Variants in THSD4 observed in about 807,000 individuals in gnomAD.
THSD4 encodes thrombospondin type-1 domain-containing protein 4.
In THSD4, 69 loss-of-function variants were observed where a neutral mutation model predicts 119.0. That is an observed-to-expected ratio of 0.58 (90% CI 0.48 to 0.71). The LOEUF (loss-of-function observed/expected upper bound fraction) is 0.71, where lower values mean the gene tolerates loss of function less well. THSD4 is among the 30% of genes least tolerant of loss of function. THSD4 has a pLI of 0.00. For missense variants in THSD4, 1,393 were observed against 1,391.1 expected (o/e 1.00, Z -0.02); for synonymous variants, 524 against 540.4 (o/e 0.97, Z 0.42).
At chr15:71,197,581 C>G (rs1334227663) in intron 3 of THSD4, among the ~76,000 whole-genome samples, 1 of 152,144 alleles carries the variant, frequency 6.6e-6, no homozygotes, top group Admixed American at 6.5e-5. Flanking sequence ...GGGAAAGCAC[C>G]CAGTGTGCTT....
At chr15:71,168,909 A>G (rs987815906) in intron 3 of THSD4, among the ~76,000 whole-genome samples, 1 of 152,234 alleles carries the variant, frequency 6.6e-6, no homozygotes, top group Admixed American at 6.5e-5. Flanking sequence ...TGATGTAGGC[A>G]AAGGTTTCTT....
intron 17 of THSD4, among the ~76,000 whole-genome samples, chr15:71,774,688 G>A (rs2053882781): frequency 6.6e-6 from 1 of 151,646 alleles, no homozygotes; most frequent in Non-Finnish European, 1.5e-5. Context: ...GAGGCAGGAG[G>A]ATCACTTGAG....
chr15:71,350,955 C>T (rs1031777094), intron 6 of THSD4, among the ~76,000 whole-genome samples: 2 of 152,166 alleles, frequency 1.3e-5, no homozygotes, highest in African/African-American at 4.8e-5. Flanking sequence ...CCACTCAGGT[C>T]CCTGTGTTCA....
chr15:71,513,672 A>T (rs552654440), intron 7 of THSD4, among the ~76,000 whole-genome samples: 29 of 152,326 alleles, frequency 1.9e-4, no homozygotes, highest in African/African-American at 5.5e-4. Flanking sequence ...CCCAGCAATG[A>T]AATTGCTGGG....
intron 6 of THSD4, among the ~76,000 whole-genome samples, chr15:71,376,139 G>C (rs1246262997): frequency 6.6e-6 from 1 of 152,172 alleles, no homozygotes; most frequent in Non-Finnish European, 1.5e-5. Context: ...GAATTGATTA[G>C]TAATGTCTGT....
chr15:71,773,085 C>T (rs569121908), intron 17 of THSD4, among the ~76,000 whole-genome samples: 101 of 151,210 alleles, frequency 6.7e-4, no homozygotes, highest in Non-Finnish European at 1.2e-3. Flanking sequence ...CCCATGGTCC[C>T]GGCTAATTAG....
chr15:71,691,734 T>C (rs1331015568), intron 8 of THSD4, among the ~76,000 whole-genome samples: 1 of 152,202 alleles, frequency 6.6e-6, no homozygotes, highest in Non-Finnish European at 1.5e-5. Flanking sequence ...TCTCTTTTTT[T>C]AGGGTGTGAG....
At chr15:71,767,517 A>T (rs1359696977) in intron 16 of THSD4, 1 of 152,220 alleles carries the variant, frequency 6.6e-6, no homozygotes, top group Non-Finnish European at 1.5e-5. Flanking sequence ...TAAATGAGTA[A>T]TTAGATGATA....
At chr15:71,693,456 G>A (rs1202436796) in intron 8 of THSD4, among the ~76,000 whole-genome samples, 1 of 152,178 alleles carries the variant, frequency 6.6e-6, no homozygotes, top group Non-Finnish European at 1.5e-5. Flanking sequence ...AGACCAGCTT[G>A]GTCCACATGA....
intron 17 of THSD4, among the ~76,000 whole-genome samples, chr15:71,775,249 A>C (rs991155726): frequency 6.6e-6 from 1 of 152,240 alleles, no homozygotes; most frequent in Non-Finnish European, 1.5e-5. Flanking sequence ...CCCAAAAAAG[A>C]AGATGGTAGA....
intron 8 of THSD4, among the ~76,000 whole-genome samples, chr15:71,675,806 C>G (rs1474761996): frequency 6.6e-6 from 1 of 152,188 alleles, no homozygotes; most frequent in Non-Finnish European, 1.5e-5. Flanking sequence ...TCACTTATGA[C>G]CTTCCCTGCA....
At chr15:71,736,288 GCTCT>G (rs1370656899) in intron 10 of THSD4, among the ~76,000 whole-genome samples, 2 of 113,134 alleles carry the variant, frequency 1.8e-5, no homozygotes, top group Non-Finnish European at 3.7e-5. Flanking sequence ...TGTCTCTCTC[GCTCT>G]CTGTCTCTCC....
intron 5 of THSD4, among the ~76,000 whole-genome samples, chr15:71,250,472 T>G (rs2044248152): frequency 6.6e-6 from 1 of 152,144 alleles, no homozygotes; most frequent in Admixed American, 6.5e-5. Context: ...AGGCATGCAC[T>G]ACCATGCTCA....
chr15:71,594,619 C>T lies in THSD4; in HGVS notation c.1153-65911C>T, dbSNP rs1036950487. On this transcript the variant is annotated intron_variant, in intron 7 of 17. Transcript: ENST00000261862. Reference sequence around the variant, plus strand: ...TAGGTGGAGACCTTAGGCCTCTTCCCTGGGGTCTCAGCTGCTTCCCAGGCT... The same window carrying T: ...TAGGTGGAGACCTTAGGCCTCTTCCTTGGGGTCTCAGCTGCTTCCCAGGCT... Among the ~76,000 whole-genome samples, 11 of 152,300 alleles carry T rather than the reference C, an allele frequency of 7.2e-5. No homozygotes were observed. In the South Asian group the frequency reaches 1.7e-3, roughly 23 times the overall value.
chr15:71,628,153 A>G (rs2050544103), intron 7 of THSD4, among the ~76,000 whole-genome samples: 1 of 152,182 alleles, frequency 6.6e-6, no homozygotes, highest in Admixed American at 6.5e-5. Flanking sequence ...TAGCTTTTCA[A>G]AGCCTTCAAA....
chr15:71,165,095 T>G (rs1347273704), intron 3 of THSD4: 3 of 1,611,294 alleles, frequency 1.9e-6, no homozygotes, highest in South Asian at 2.2e-5. Flanking sequence ...TGGGCGATAC[T>G]CAGAGCAGAA....
chr15:71,648,835 G>A (rs917349699), intron 7 of THSD4, among the ~76,000 whole-genome samples: 1 of 152,144 alleles, frequency 6.6e-6, no homozygotes, highest in East Asian at 1.9e-4. Flanking sequence ...CATTTTACCA[G>A]CCCCTACTTC....
At chr15:71,311,687 CAT>C (rs1443826270) in intron 6 of THSD4, among the ~76,000 whole-genome samples, 1 of 152,154 alleles carries the variant, frequency 6.6e-6, no homozygotes, top group East Asian at 1.9e-4. Flanking sequence ...CCTTGTGTAT[CAT>C]ATAATAAAAT....
intron 8 of THSD4, among the ~76,000 whole-genome samples, chr15:71,720,584 A>G (rs1361349858): frequency 6.6e-6 from 1 of 152,224 alleles, no homozygotes; most frequent in East Asian, 1.9e-4. Context: ...GAGGTTAGTG[A>G]AAAGAAGGAT....
Sources: allele counts gnomAD v4.1 joint callset (sites outside exome capture counted in the v4.1 genomes callset), GRCh38; gene constraint gnomAD v4.1.1; transcripts MANE v1.5; gene names NCBI Gene and HGNC (gene_info 2026-07-23, HGNC 2026-07-21).